The following NELL2 variants were observed in gnomAD, a reference collection of about 807,000 sequenced individuals.
The protein encoded by NELL2 is neural EGFL like 2, also known as protein kinase C-binding protein NELL2.
Under a neutral mutation model 109.6 loss-of-function variants are expected in NELL2, and 41 were observed. The observed-to-expected ratio is 0.37, with a 90% CI of 0.29 to 0.49. The LOEUF (loss-of-function observed/expected upper bound fraction) is 0.49, where lower values mean the gene tolerates loss of function less well. NELL2 is among the 20% of genes least tolerant of loss of function. NELL2 has a pLI of 0.98. For synonymous variants in NELL2, 355 were observed against 344.7 expected (o/e 1.03, Z -0.33); for missense variants, 900 against 1,008.3 (o/e 0.89, Z 1.45).
chr12:44,791,216 A>ATC (rs1942417494), intron 3 of NELL2, among the ~76,000 whole-genome samples: 1 of 90,540 alleles, frequency 1.1e-5, no homozygotes, highest in Non-Finnish European at 2.3e-5. Flanking sequence ...ATATATATAT[A>ATC]TATATATATA....
intron 1 of NELL2, among the ~76,000 whole-genome samples, chr12:44,888,788 T>C (rs1945502724): frequency 6.6e-6 from 1 of 151,744 alleles, no homozygotes; most frequent in Non-Finnish European, 1.5e-5. Context: ...ATTCTTCGTA[T>C]TCACCAAAGA....
intron 3 of NELL2, among the ~76,000 whole-genome samples, chr12:44,814,949 G>C (rs1197527756): frequency 1.3e-5 from 2 of 152,234 alleles, no homozygotes; most frequent in East Asian, 3.9e-4. Flanking sequence ...CATTTTATAT[G>C]TATAAATTCT....
intron 2 of NELL2, among the ~76,000 whole-genome samples, chr12:44,846,791 C>T (rs1008688050): frequency 3.9e-5 from 6 of 152,154 alleles, no homozygotes; most frequent in Non-Finnish European, 5.9e-5. Context: ...ATTAAGTTGT[C>T]CAAATGATCT....
intron 15 of NELL2, among the ~76,000 whole-genome samples, chr12:44,568,551 TAGAA>T (rs1182154803): frequency 6.6e-6 from 1 of 152,056 alleles, no homozygotes; most frequent in African/African-American, 2.4e-5. Context: ...GATAATAACT[TAGAA>T]AGGCAAACTG....
At chr12:44,613,817 C>A (rs941188675) in intron 13 of NELL2, among the ~76,000 whole-genome samples, 1 of 152,006 alleles carries the variant, frequency 6.6e-6, no homozygotes, top group South Asian at 2.1e-4. Flanking sequence ...ATTATTAGTG[C>A]TCCATTTCCA....
In NELL2 at chr12:44,587,309, T is replaced by TATATA. The variant is rs1565974434; in HGVS notation, c.1663+19859_1663+19860insTATAT. ...AATATATATATATATATATATATATTTTTTTTTAAATATGAAGTTATATAC... is the reference window on the plus strand; with the variant it reads ...AATATATATATATATATATATATATTATATATTTTTTTAAATATGAAGTTATATAC... On this transcript the variant is annotated intron_variant, in intron 15 of 19. Coordinates refer to ENST00000429094, the MANE Select transcript of NELL2 (RefSeq NM_001145108.2). 2.9e-4 allele frequency among the ~76,000 whole-genome samples: 20 copies of TATATA among 69,604 alleles called. 1 individual carries two copies. In the South Asian group the frequency reaches 5.8e-3, roughly 20 times the overall value. The allele number at this position is 69,604 out of a possible 152,430, so 45.7% of individuals were successfully genotyped here. A position where few individuals can be genotyped will look rare whatever the true frequency, so the allele number is the denominator to read the frequency against.
chr12:44,818,032 CTTCAACATTCCCA>C (rs145403508), intron 2 of NELL2, among the ~76,000 whole-genome samples: 2,229 of 152,298 alleles, frequency 0.015, 24 homozygotes, highest in Non-Finnish European at 0.021. Context: ...CGAAAAGAAA[CTTCAACATTCCCA>C]TTCAACATTC....
At chr12:44,885,657 C>T (rs1945462425) in intron 1 of NELL2, among the ~76,000 whole-genome samples, 1 of 151,984 alleles carries the variant, frequency 6.6e-6, no homozygotes, top group East Asian at 1.9e-4. Flanking sequence ...AAAAGATCTA[C>T]GTGCTCACAG....
upstream of NELL2, among the ~76,000 whole-genome samples, chr12:44,917,855 C>T (rs1658517661): frequency 6.6e-6 from 1 of 152,178 alleles, no homozygotes. Flanking sequence ...TGCAAGTGGC[C>T]TCTAGGACCT....
intron 1 of NELL2, among the ~76,000 whole-genome samples, chr12:44,919,454 C>T (rs1945853284): frequency 6.6e-6 from 1 of 152,100 alleles, no homozygotes; most frequent in Non-Finnish European, 1.5e-5. Context: ...GTCCTAACCC[C>T]CAGTACCTGT....
At chr12:44,561,478 A>T (rs1943466097) in intron 15 of NELL2, among the ~76,000 whole-genome samples, 1 of 152,222 alleles carries the variant, frequency 6.6e-6, no homozygotes, top group Non-Finnish European at 1.5e-5. Context: ...CAACTTCAGC[A>T]AAGGCTCAGG....
chr12:44,724,853 C>T (rs1241292409), intron 9 of NELL2, among the ~76,000 whole-genome samples: 3 of 146,682 alleles, frequency 2.0e-5, no homozygotes, highest in Admixed American at 2.0e-4. Context: ...CATCACAATA[C>T]CCAACTTCAA....
intron 12 of NELL2, among the ~76,000 whole-genome samples, chr12:44,675,725 A>T (rs949386124): frequency 5.9e-5 from 9 of 152,148 alleles, no homozygotes; most frequent in Non-Finnish European, 8.8e-5. Flanking sequence ...ATATTAAAGA[A>T]TTTGGACTTC....
At chr12:44,901,741 T>A (rs759539662) in intron 1 of NELL2, among the ~76,000 whole-genome samples, 1 of 152,080 alleles carries the variant, frequency 6.6e-6, no homozygotes, top group Non-Finnish European at 1.5e-5. Flanking sequence ...GTGAGGCTGG[T>A]TCAATATACA....
chr12:44,528,793 C>T (rs1010104027), intron 16 of NELL2, among the ~76,000 whole-genome samples: 3 of 151,960 alleles, frequency 2.0e-5, no homozygotes, highest in African/African-American at 7.3e-5. Context: ...AGGTGGGAGA[C>T]TATTTTAAAT....
At chr12:44,758,575 A>G (rs1940991102) in intron 9 of NELL2, among the ~76,000 whole-genome samples, 1 of 152,220 alleles carries the variant, frequency 6.6e-6, no homozygotes, top group Non-Finnish European at 1.5e-5. Flanking sequence ...ACCTTACTCA[A>G]TGAATGTTGC....
intron 9 of NELL2, among the ~76,000 whole-genome samples, chr12:44,761,177 C>T (rs1941109208): frequency 6.6e-6 from 1 of 152,136 alleles, no homozygotes; most frequent in Non-Finnish European, 1.5e-5. Flanking sequence ...GCCTGACTAA[C>T]ATGGAGAAAC....
At chr12:44,898,109 C>T (rs1418694303) in intron 1 of NELL2, among the ~76,000 whole-genome samples, 2 of 152,194 alleles carry the variant, frequency 1.3e-5, no homozygotes, top group Non-Finnish European at 2.9e-5. Context: ...CAGCTCTAGT[C>T]AGGGGCTTAT....
intron 12 of NELL2, among the ~76,000 whole-genome samples, chr12:44,702,844 C>T (rs1232447402): frequency 6.6e-6 from 1 of 152,088 alleles, no homozygotes; most frequent in Non-Finnish European, 1.5e-5. Flanking sequence ...AGGGAAACAA[C>T]AGAAGTTGGT....
Sources: allele counts gnomAD v4.1 joint callset (sites outside exome capture counted in the v4.1 genomes callset), GRCh38; gene constraint gnomAD v4.1.1; transcripts MANE v1.5; gene names NCBI Gene and HGNC (gene_info 2026-07-23, HGNC 2026-07-21).